DLGAP4: variants seen among roughly 807,000 people sequenced by gnomAD.
DLGAP4 encodes disks large-associated protein 4.
DLGAP4 carries 18 observed loss-of-function variants against 86.9 expected under a neutral mutation model. The observed-to-expected ratio is 0.21, with a 90% CI of 0.14 to 0.31. The LOEUF (loss-of-function observed/expected upper bound fraction) is 0.31. Ranked by LOEUF, DLGAP4 falls within the 10% of genes least tolerant of loss-of-function variation. DLGAP4 has a pLI of 1.00. For missense variants in DLGAP4, 1,085 were observed against 1,362.6 expected (o/e 0.80, Z 3.21); for synonymous variants, 548 against 574.3 (o/e 0.95, Z 0.65).
At position 36,436,226 on chromosome 20, in the gene DLGAP4, A is replaced by T. The variant is rs767452085; in HGVS notation, c.1117A>T (p.Met373Leu). Reference protein sequence around the residue: ...RMRSGSYIKAMGDEDSDESGG... With the variant: ...RMRSGSYIKALGDEDSDESGG... The stretch of plus-strand genomic sequence containing the variant: ...GCGCAGCGGCAGCTACATCAAGGCC[A>T]TGGGCGACGAGGACAGCGACGAGTC... The change falls in exon 4 of 13, where the codon ATG (methionine) becomes TTG (leucine). Residue 373 changes from methionine (M) to leucine (L), a missense_variant. Physicochemically the swap from Met to Leu is conservative, Grantham distance 15 (BLOSUM62 2). This residue lies in a region of DLGAP4 where 1,082 missense variants were observed against 1,344.1 expected (regional missense o/e 0.81). Transcript: ENST00000339266. The T allele has an allele frequency of 2.5e-6, 4 of 1,605,320 alleles. No individual in the cohort carries two copies. The highest frequency in any genetic ancestry group is 2.5e-6 in the Non-Finnish European group (3 of 1,179,412).
intron 7 of DLGAP4, among the ~76,000 whole-genome samples, chr20:36,470,893 G>C (rs1002987006): frequency 6.6e-6 from 1 of 152,082 alleles, no homozygotes; most frequent in African/African-American, 2.4e-5. Context: ...AGGATGTTTA[G>C]CTTGTTCTCA....
chr20:36,309,613 G>C (rs1015450432), intron 1 of DLGAP4, among the ~76,000 whole-genome samples: 3 of 152,232 alleles, frequency 2.0e-5, no homozygotes, highest in Non-Finnish European at 4.4e-5. Flanking sequence ...CTCTACAAGA[G>C]GGAGAGGGGC....
intron 1 of DLGAP4, among the ~76,000 whole-genome samples, chr20:36,365,641 T>C (rs980328546): frequency 2.0e-5 from 3 of 152,104 alleles, no homozygotes; most frequent in Non-Finnish European, 4.4e-5. Flanking sequence ...AGAGATGACA[T>C]TGTAAGGCTG....
intron 1 of DLGAP4, among the ~76,000 whole-genome samples, chr20:36,335,996 G>C (rs1555892031): frequency 6.6e-6 from 1 of 152,136 alleles, no homozygotes; most frequent in Non-Finnish European, 1.5e-5. Flanking sequence ...CTGTTTCTAA[G>C]CGCTGCTCCC....
At chr20:36,362,019 T>C (rs1450457267) in intron 1 of DLGAP4, among the ~76,000 whole-genome samples, 1 of 145,486 alleles carries the variant, frequency 6.9e-6, no homozygotes, top group Non-Finnish European at 1.5e-5. Flanking sequence ...TTGCCAGCCA[T>C]GGTGGCTCAC....
At chr20:36,417,462 G>A (rs1352930501) in intron 2 of DLGAP4, among the ~76,000 whole-genome samples, 2 of 151,902 alleles carry the variant, frequency 1.3e-5, no homozygotes, top group African/African-American at 2.4e-5. Context: ...GCTCACTGAA[G>A]CCTCAACCTC....
intron 7 of DLGAP4, among the ~76,000 whole-genome samples, chr20:36,478,862 A>G (rs2035059609): frequency 6.6e-6 from 1 of 152,228 alleles, no homozygotes; most frequent in South Asian, 2.1e-4. Flanking sequence ...GGTGATGATG[A>G]AAACATCTCC....
At chr20:36,429,360 T>G (rs1407776983) in intron 2 of DLGAP4, among the ~76,000 whole-genome samples, 1 of 150,564 alleles carries the variant, frequency 6.6e-6, no homozygotes, top group African/African-American at 2.4e-5. Flanking sequence ...ATTACAGATA[T>G]GAGAAACCAT....
intron 1 of DLGAP4, among the ~76,000 whole-genome samples, chr20:36,328,870 G>A (rs574308000): frequency 8.6e-4 from 131 of 152,080 alleles, no homozygotes; most frequent in African/African-American, 3.0e-3. Context: ...CCACCTCCTG[G>A]GTTCAAGCAA....
rs116124442 is a variant in DLGAP4 at position 36,406,094 on chromosome 20, G to A, written c.-72-25552G>A. On this transcript the variant is annotated intron_variant, in intron 2 of 12. Transcript: ENST00000339266. ...CCTCTCCTTGGTGGGGAGTTGGGTG[G>A]CAATGAAAAATTCACTCTTGAAGGC... Among the ~76,000 whole-genome samples the A allele has an allele frequency of 6.5e-3, 983 of 152,216 alleles. 11 individuals carry two copies. The highest frequency in any genetic ancestry group is 0.022 in the African/African-American group (931 of 41,538).
Position 36,526,824 on chromosome 20 carries a change from A to C in DLGAP4, c.2772A>C (p.Lys924Asn), listed in dbSNP as rs771640274. The C allele has an allele frequency of 1.3e-5, 21 of 1,601,744 alleles. No homozygotes were observed. The highest frequency in any genetic ancestry group is 1.8e-5 in the Non-Finnish European group (21 of 1,176,376). The stretch of plus-strand genomic sequence containing the variant: ...CTGTCTCACTAAAGGAAGAGAAGAA[A>C]CCACCCCCTCCGGTCCCAAAGAAGC... ...ETPEKRKEEK[K>N]PPPPVPKKPA... Residue 924 changes from lysine to asparagine, a missense_variant, in exon 13 of 13, where the codon AAA becomes AAC. This residue lies in a region of DLGAP4 where 1,082 missense variants were observed against 1,344.1 expected (regional missense o/e 0.81). Coordinates refer to ENST00000339266, the MANE Select transcript of DLGAP4 (RefSeq NM_001365621.2).
intron 11 of DLGAP4, among the ~76,000 whole-genome samples, chr20:36,525,232 AAAAAAAAAAAAAAAAAAAAAAAC>A (rs1449258582): frequency 9.3e-4 from 108 of 116,456 alleles, no homozygotes; most frequent in African/African-American, 2.5e-3. Flanking sequence ...AAAAAAAAAA[AAAAAAAAAAAAAAAAAAAAAAAC>A]AAAGAAATCC....
In DLGAP4 at chr20:36,477,624, G is replaced by C. The variant is rs551240861; in HGVS notation, c.1649-19081G>C. ...GGACCCAAGCATAATTCCTTCATTA[G>C]CTACTTGCTCTAGGATTTGGGCCAA... On this transcript the variant is annotated intron_variant, in intron 7 of 12. Coordinates refer to ENST00000339266, the MANE Select transcript of DLGAP4 (RefSeq NM_001365621.2). Among the ~76,000 whole-genome samples the C allele has an allele frequency of 3.3e-5, 5 of 152,240 alleles. No individual in the cohort carries two copies. The East Asian group carries it at 9.7e-4, about 29-fold the overall frequency.
rs780299328 is a variant in DLGAP4 at position 36,431,990 on chromosome 20, T to C, written c.273T>C (p.His91=). 1.9e-6 allele frequency: 3 copies of C among 1,614,116 alleles called. No homozygotes were observed. In the South Asian group the frequency reaches 3.3e-5, roughly 18 times the overall value. ...EVPEESPFPS[H]AQATKINRLP... ...CAGAGGAGAGCCCCTTCCCCAGCCA[T>C]GCCCAAGCCACCAAGATCAACCGGC... The change falls in exon 3 of 13, where the codon CAT becomes CAC. Residue 91 remains histidine, a synonymous_variant. Transcript: ENST00000339266. This position sits in a 1 kb window ranked among gnomAD's most constrained non-coding sequence, Gnocchi z 5.1.
Position 36,456,974 on chromosome 20 carries a change from T to A in DLGAP4, c.1648+10037T>A, listed in dbSNP as rs1414785710. Among the ~76,000 whole-genome samples the A allele has an allele frequency of 2.0e-5, 3 of 152,228 alleles. No individual in the cohort carries two copies. In the East Asian group the frequency reaches 5.8e-4, roughly 29 times the overall value. ...CACTGATAGATGTTTATTGATCAAGTGCTCTGGGCCAGGCTGTGTTGTAGG... is the reference window on the plus strand; with the variant it reads ...CACTGATAGATGTTTATTGATCAAGAGCTCTGGGCCAGGCTGTGTTGTAGG... On this transcript the variant is annotated intron_variant, in intron 7 of 12. Coordinates refer to ENST00000339266, the MANE Select transcript of DLGAP4 (RefSeq NM_001365621.2).
In DLGAP4 at chr20:36,500,377, C is replaced by T. The variant is rs114092633; in HGVS notation, c.2278C>T (p.Arg760Cys). ...RQAPKIAQIK[R>C]NLSYGDNSDP... ...GGCCCCCAAGATTGCCCAGATCAAG[C>T]GCAACCTCTCCTATGGAGACAACAG... Residue 760 changes from arginine (R) to cysteine (C), a missense_variant, in exon 10 of 13, where the codon CGC becomes TGC. Coordinates refer to ENST00000339266, the MANE Select transcript of DLGAP4 (RefSeq NM_001365621.2). The surrounding 1 kb of genome is among the most constrained non-coding windows in gnomAD (Gnocchi z 4.6). The T allele has an allele frequency of 1.2e-3, 1,877 of 1,609,374 alleles. 2 individuals carry two copies. Among genetic ancestry groups the T allele is most frequent in the South Asian group, 1.4e-3 (124 of 90,244 alleles).
intron 10 of DLGAP4, among the ~76,000 whole-genome samples, chr20:36,513,013 G>A (rs993917558): frequency 5.3e-5 from 7 of 132,312 alleles, no homozygotes; most frequent in Non-Finnish European, 1.1e-4. Context: ...GTGCAGCGGC[G>A]CAATTTTGGC....
intron 7 of DLGAP4, among the ~76,000 whole-genome samples, chr20:36,486,425 C>T (rs2035415451): frequency 6.6e-6 from 1 of 151,770 alleles, no homozygotes; most frequent in African/African-American, 2.4e-5. Flanking sequence ...GCAGACATGC[C>T]AACATGAGGG....
In DLGAP4 at chr20:36,432,818, C is replaced by A; in HGVS notation, c.999+102C>A. ...GATTCACTTGGAAAGTCACTTCATT[C>A]TGGGCCTCTGTGGCTCAGCTATAAA... is the stretch of plus-strand genomic sequence containing the variant. On this transcript the variant is annotated intron_variant, in intron 3 of 12. Coordinates refer to ENST00000339266, the MANE Select transcript of DLGAP4 (RefSeq NM_001365621.2). This position sits in a 1 kb window ranked among gnomAD's most constrained non-coding sequence, Gnocchi z 6.5. The A allele has an allele frequency of 6.9e-7, 1 of 1,439,580 alleles. No homozygotes were observed. Among genetic ancestry groups the A allele is most frequent in the Non-Finnish European group, 9.4e-7 (1 of 1,063,454 alleles). 89.2% of individuals were successfully genotyped at this position (1,439,580 alleles called of 1,614,324 possible).
Sources: gnomAD v4.1 joint callset for allele counts (sites outside exome capture counted in the v4.1 genomes callset) on GRCh38, gnomAD v4.1.1 for gene constraint, gnomAD v4.1.1 regional missense constraint, Gnocchi (gnomAD v3.1) non-coding constraint, MANE v1.5 for transcripts, NCBI Gene and HGNC (gene_info 2026-07-23, HGNC 2026-07-21) for gene names.